Variants in C4orf33 observed in about 807,000 individuals in gnomAD.
C4orf33 encodes UPF0462 protein C4orf33.
In C4orf33, 20 loss-of-function variants were observed where a neutral mutation model predicts 24.3. The ratio of observed to expected loss-of-function variants is 0.82; its 90% CI spans 0.58 to 1.19. The LOEUF is 1.19. Ranked by LOEUF, C4orf33 falls within the 50% of genes most tolerant of loss-of-function variation. The pLI is 0.00. For synonymous variants in C4orf33, 67 were observed against 76.4 expected, an observed-to-expected ratio of 0.88 and a Z score of 0.64; for missense variants, 207 against 225.9, an observed-to-expected ratio of 0.92 and a Z score of 0.54.
rs189503140 is a variant in C4orf33 at position 129,113,213 on chromosome 4, G to A, written c.*1422G>A. ...TGAATTTGAATGTTGTAGCTTGTGA[G>A]CTTTCTCAAATCTAATGTGTATCTT... is the stretch of plus-strand genomic sequence containing the variant. On this transcript the variant is annotated 3_prime_UTR_variant, in exon 6 of 6. Transcript: ENST00000425929. The A allele has an allele frequency of 7.2e-5, 11 of 152,112 alleles. No homozygotes were observed. Among genetic ancestry groups the A allele is most frequent in the African/African-American group, 2.7e-4 (11 of 41,420 alleles). The allele number at this position is 152,112 out of a possible 1,614,324, so 9.4% of individuals were successfully genotyped here.
intron 5 of C4orf33, 173 bp downstream of exon 5, chr4:129,109,845 C>A: frequency 1.1e-6 from 1 of 936,488 alleles, no homozygotes; most frequent in Non-Finnish European, 1.5e-6. Context: ...AAACTTTGGA[C>A]TGTCATAATC....
chr4:129,115,832 A>AAT lies in C4orf33; in HGVS notation c.*4048_*4049dup, dbSNP rs1032163065. 2.0e-3 allele frequency: 156 copies of AAT among 79,892 alleles called. 1 individual carries two copies. Among genetic ancestry groups the AAT allele is most frequent in the African/African-American group, 7.6e-3 (141 of 18,604 alleles). The allele number at this position is 79,892 out of a possible 1,614,324, so 4.9% of individuals were successfully genotyped here. On this transcript the variant is annotated 3_prime_UTR_variant, in exon 6 of 6. Coordinates refer to ENST00000425929, the MANE Select transcript of C4orf33 (RefSeq NM_001099783.2). ...TATATATATATATATATATATATAA[A>AAT]ATATATATGTTTATATATAACATAT...
chr4:129,113,817 T>G lies in C4orf33; in HGVS notation c.*2026T>G, dbSNP rs1413864281. On this transcript the variant is annotated 3_prime_UTR_variant, in exon 6 of 6. Coordinates refer to ENST00000425929, the MANE Select transcript of C4orf33 (RefSeq NM_001099783.2). ...CCCTCCTTCTCCTCCTTTTGCTCCT[T>G]TTTTAAATGTTAGGCTTTTGGAGGA... The G allele has an allele frequency of 6.6e-6, 1 of 152,132 alleles. No individual in the cohort carries two copies. The highest frequency in any genetic ancestry group is 1.5e-5 in the Non-Finnish European group (1 of 68,026). The allele number at this position is 152,132 out of a possible 1,614,324, so 9.4% of individuals were successfully genotyped here.
chr4:129,107,904 T>C (rs935326246), intron 3 of C4orf33, among the ~76,000 whole-genome samples: 1 of 152,102 alleles, frequency 6.6e-6, no homozygotes, highest in African/African-American at 2.4e-5. Context: ...ATAATTAGAT[T>C]CTCTCTTGTT....
intron 2 of C4orf33, among the ~76,000 whole-genome samples, chr4:129,105,064 TATA>T (rs1159770248): frequency 1.3e-5 from 2 of 151,980 alleles, no homozygotes; most frequent in East Asian, 1.9e-4. Context: ...ATCTATTTTA[TATA>T]TATGGAGAGA....
In C4orf33 at chr4:129,109,328, T is replaced by C. The variant is rs1335870291; in HGVS notation, c.264T>C (p.Leu88=). The C allele has an allele frequency of 6.2e-7, 1 of 1,614,136 alleles. No homozygotes were observed. The highest frequency in any genetic ancestry group is 8.5e-7 in the Non-Finnish European group (1 of 1,179,964). ...ELCPHGQHLV[L]LLSGRRNVWK... ...ACAGCCACGGACAGCATTTAGTGCT[T>C]TTACTTTCTGGAAGAAGAAATGTGT... The change falls in exon 4 of 6, where the codon CTT becomes CTC. Residue 88 remains leucine, a synonymous_variant. Coordinates refer to ENST00000425929, the MANE Select transcript of C4orf33 (RefSeq NM_001099783.2).
At chr4:129,094,977 A>G (rs911364423), upstream of C4orf33, among the ~76,000 whole-genome samples, 1 of 152,138 alleles carries the variant, frequency 6.6e-6, no homozygotes, top group Non-Finnish European at 1.5e-5. Context: ...CTTACACCCA[A>G]ACTGGATGGA....
At chr4:129,098,889 T>G (rs72685357) in intron 1 of C4orf33, among the ~76,000 whole-genome samples, 10 of 104,014 alleles carry the variant, frequency 9.6e-5, no homozygotes, top group South Asian at 3.6e-4. Flanking sequence ...CTGTTGGGAG[T>G]TTTTTTTTGC....
chr4:129,103,782 C>T (rs1394955296), intron 2 of C4orf33, among the ~76,000 whole-genome samples: 8 of 152,178 alleles, frequency 5.3e-5, no homozygotes, highest in Non-Finnish European at 1.2e-4. Flanking sequence ...TGTACCTTCT[C>T]ATTCTATTCC....
intron 5 of C4orf33, 69 bp from the exon 6 acceptor site, chr4:129,111,617 C>A: frequency 1.2e-6 from 1 of 830,162 alleles, no homozygotes; most frequent in Non-Finnish European, 2.0e-6. Flanking sequence ...AATAAATAGC[C>A]CTTCAGGACA....
At chr4:129,104,264 A>G (rs1168357171) in intron 2 of C4orf33, among the ~76,000 whole-genome samples, 1 of 152,118 alleles carries the variant, frequency 6.6e-6, no homozygotes, top group Non-Finnish European at 1.5e-5. Context: ...CTCCTCTTTT[A>G]TCCCCACTAT....
chr4:129,102,521 A>G (rs1753386489), intron 1 of C4orf33, 81 bp from the exon 2 acceptor site: 2 of 1,086,528 alleles, frequency 1.8e-6, no homozygotes, highest in Admixed American at 4.9e-5. Flanking sequence ...GCTGTTTGGC[A>G]TTGAAATTTT....
At chr4:129,095,003 G>A (rs1321018075), upstream of C4orf33, among the ~76,000 whole-genome samples, 1 of 152,084 alleles carries the variant, frequency 6.6e-6, no homozygotes, top group Non-Finnish European at 1.5e-5. Context: ...ATACCTTCTG[G>A]CTATAACTGA....
chr4:129,106,476 A>G (rs986197818), intron 2 of C4orf33, 111 bp from the exon 3 acceptor site: 10 of 561,876 alleles, frequency 1.8e-5, no homozygotes, highest in Non-Finnish European at 3.1e-5. Flanking sequence ...TATTGGGGAT[A>G]GTATTATAAT....
At chr4:129,101,764 C>G (rs893291996) in intron 1 of C4orf33, among the ~76,000 whole-genome samples, 2 of 152,106 alleles carry the variant, frequency 1.3e-5, no homozygotes, top group Admixed American at 6.6e-5. Flanking sequence ...ACTTAGAATA[C>G]TAATTTAAAA....
chr4:129,096,811 G>A (rs549856973), intron 1 of C4orf33, among the ~76,000 whole-genome samples: 2 of 152,242 alleles, frequency 1.3e-5, no homozygotes, highest in South Asian at 2.1e-4. Context: ...TTGATAATAT[G>A]CATTATGACT....
intron 1 of C4orf33, among the ~76,000 whole-genome samples, chr4:129,098,735 G>T (rs1280772121): frequency 6.6e-6 from 1 of 152,176 alleles, no homozygotes; most frequent in Non-Finnish European, 1.5e-5. Context: ...ACAATTCCCT[G>T]GTTATATGCT....
Position 129,111,683 on chromosome 4 carries a change from T to C in C4orf33, c.495-3T>C. 1.3e-6 allele frequency: 2 copies of C among 1,577,140 alleles called. No homozygotes were observed. Among genetic ancestry groups the C allele is most frequent in the Non-Finnish European group, 1.7e-6 (2 of 1,150,518 alleles). On this transcript the variant is annotated splice_region_variant and splice_polypyrimidine_tract_variant and intron_variant, in intron 5 of 5. Transcript: ENST00000425929. ...TTCCCACCTTCTTTTTCTTTGCTTT[T>C]AGCCATTGCCTAGAATACTTCAAGT...
chr4:129,096,372 C>T (rs925881445), intron 1 of C4orf33, 163 bp downstream of exon 1: 5 of 152,208 alleles, frequency 3.3e-5, no homozygotes, highest in Admixed American at 1.3e-4. Context: ...TTCCTCATTT[C>T]TCCGTTTCCC....
Sources: gnomAD v4.1 joint callset for allele counts (sites outside exome capture counted in the v4.1 genomes callset) on GRCh38, gnomAD v4.1.1 for gene constraint, MANE v1.5 for transcripts, NCBI Gene and HGNC (gene_info 2026-07-23, HGNC 2026-07-21) for gene names.